The following RABGAP1L variants were observed in gnomAD, a reference collection of about 807,000 sequenced individuals.
RABGAP1L encodes the protein RAB GTPase activating protein 1 like.
RABGAP1L carries 63 observed loss-of-function variants against 137.7 expected under a neutral mutation model. That is an observed-to-expected ratio of 0.46 (90% CI 0.37 to 0.56). The LOEUF is 0.56. Among genes scored for constraint, RABGAP1L ranks in the 20% least tolerant of loss-of-function variants. RABGAP1L has a pLI of 0.00. For synonymous variants in RABGAP1L, 431 were observed against 433.7 expected (o/e 0.99, Z 0.08); for missense variants, 1,095 against 1,244.0 (o/e 0.88, Z 1.80).
chr1:174,355,382 A>G (rs1195715519), intron 11 of RABGAP1L, among the ~76,000 whole-genome samples: 2 of 148,718 alleles, frequency 1.3e-5, no homozygotes, highest in African/African-American at 2.5e-5. Context: ...CAAACACTGC[A>G]TGTTCTCACT....
At chr1:174,205,492 G>T (rs1164108724) in intron 1 of RABGAP1L, among the ~76,000 whole-genome samples, 3 of 152,028 alleles carry the variant, frequency 2.0e-5, no homozygotes, top group Non-Finnish European at 2.9e-5. Context: ...TGGGGAATCA[G>T]TTTCTTCCTG....
chr1:174,971,528 A>C (rs1417442326), intron 21 of RABGAP1L, among the ~76,000 whole-genome samples: 2 of 152,174 alleles, frequency 1.3e-5, no homozygotes, highest in African/African-American at 4.8e-5. Flanking sequence ...CTCTCTTTTA[A>C]GAAAAGTAAA....
Position 174,899,181 on chromosome 1 carries a change from C to T in RABGAP1L, c.2341-58276C>T, listed in dbSNP as rs1325197138. 2.0e-5 allele frequency among the ~76,000 whole-genome samples: 3 copies of T among 151,978 alleles called. No homozygotes were observed. The South Asian group carries it at 6.2e-4, about 32-fold the overall frequency. Reference sequence around the variant, plus strand: ...GATGTGCAAAAAAGAACTTAAACTGCAGAGACTTTCGGGAGAAAACAAACA... The same window carrying T: ...GATGTGCAAAAAAGAACTTAAACTGTAGAGACTTTCGGGAGAAAACAAACA... On this transcript the variant is annotated intron_variant, in intron 19 of 25. Transcript: ENST00000681986.
rs1345714895 is a variant in RABGAP1L at position 174,371,790 on chromosome 1, T to G, written c.1559+718T>G. On this transcript the variant is annotated intron_variant, in intron 12 of 25. Transcript: ENST00000681986. ...GGGTAGTCCAGGGGAGACTACAAAG[T>G]CTGGGCGGAATTTCACAGTTCAGTA... Among the ~76,000 whole-genome samples, 2 of 152,106 alleles carry G rather than the reference T, an allele frequency of 1.3e-5. 1 individual carries two copies. Among genetic ancestry groups the G allele is most frequent in the Non-Finnish European group, 2.9e-5 (2 of 68,022 alleles).
intron 13 of RABGAP1L, among the ~76,000 whole-genome samples, chr1:174,442,603 A>G (rs1466567524): frequency 1.3e-5 from 2 of 152,112 alleles, no homozygotes; most frequent in Non-Finnish European, 2.9e-5. Context: ...CATTTTTACA[A>G]TTAATAATAC....
intron 1 of RABGAP1L, among the ~76,000 whole-genome samples, chr1:174,183,180 C>A (rs1039302578): frequency 6.6e-6 from 1 of 152,112 alleles, no homozygotes; most frequent in African/African-American, 2.4e-5. Context: ...GTTGTAGATA[C>A]AATTTGTATA....
In RABGAP1L at chr1:174,555,512, G is replaced by A. The variant is rs187127442; in HGVS notation, c.1711-81863G>A. On this transcript the variant is annotated intron_variant, in intron 13 of 25. Coordinates refer to ENST00000681986, the MANE Select transcript of RABGAP1L (RefSeq NM_001366446.1). ...CAAACATTTGTCGAGCATTTATTAT[G>A]TAACAAGAAAAATGTATGTCCCCCC... Among the ~76,000 whole-genome samples the A allele has an allele frequency of 7.3e-5, 11 of 151,588 alleles. No individual in the cohort carries two copies. The East Asian group carries it at 2.1e-3, about 29-fold the overall frequency.
chr1:174,231,077 T>C (rs1670608331), intron 3 of RABGAP1L, 68 bp from the exon 4 acceptor site: 1 of 1,149,486 alleles, frequency 8.7e-7, no homozygotes, highest in South Asian at 1.4e-5. Flanking sequence ...TTTTTGGGCA[T>C]TGGCAAGATT....
At chr1:174,447,941 G>C (rs1558242769) in intron 13 of RABGAP1L, among the ~76,000 whole-genome samples, 2 of 126,946 alleles carry the variant, frequency 1.6e-5, no homozygotes, top group Admixed American at 2.2e-4. Flanking sequence ...CTGCTGAACT[G>C]AGGCTGGTGA....
At chr1:174,603,508 C>T (rs1050345325) in intron 13 of RABGAP1L, among the ~76,000 whole-genome samples, 12 of 152,076 alleles carry the variant, frequency 7.9e-5, no homozygotes, top group Non-Finnish European at 1.5e-4. Flanking sequence ...GGAACCAGGG[C>T]CAGGAATCAG....
chr1:174,609,995 T>C (rs1671073142), intron 13 of RABGAP1L, among the ~76,000 whole-genome samples: 1 of 151,410 alleles, frequency 6.6e-6, no homozygotes, highest in Non-Finnish European at 1.5e-5. Flanking sequence ...TATTTTTATA[T>C]ATCATCTTTG....
intron 1 of RABGAP1L, among the ~76,000 whole-genome samples, chr1:174,162,573 A>G (rs1571315109): frequency 6.6e-6 from 1 of 152,128 alleles, no homozygotes; most frequent in East Asian, 1.9e-4. Context: ...ATGACTGGTT[A>G]GAGGGGGTTT....
chr1:174,727,832 T>A (rs1682120250), intron 17 of RABGAP1L, among the ~76,000 whole-genome samples: 1 of 152,198 alleles, frequency 6.6e-6, no homozygotes. Flanking sequence ...TAAATTTTTT[T>A]AAAAAACAAA....
intron 13 of RABGAP1L, among the ~76,000 whole-genome samples, chr1:174,618,984 G>A (rs568428777): frequency 8.5e-5 from 13 of 152,348 alleles, no homozygotes; most frequent in Middle Eastern, 3.4e-3. Context: ...TGAGAACTAC[G>A]TGACGAATGC....
At chr1:174,297,453 C>A (rs568284602) in intron 10 of RABGAP1L, among the ~76,000 whole-genome samples, 1 of 152,344 alleles carries the variant, frequency 6.6e-6, no homozygotes, top group Admixed American at 6.5e-5. Flanking sequence ...GGCCAGGTTC[C>A]TCCTGCTGCA....
chr1:174,671,451 A>G (rs796339490), intron 14 of RABGAP1L, among the ~76,000 whole-genome samples: 4 of 152,182 alleles, frequency 2.6e-5, no homozygotes, highest in South Asian at 2.1e-4. Context: ...TGGGTTTGTC[A>G]TATATGGCCA....
chr1:174,568,470 C>T (rs756024214), intron 13 of RABGAP1L, among the ~76,000 whole-genome samples: 93 of 152,276 alleles, frequency 6.1e-4, no homozygotes, highest in Non-Finnish European at 1.0e-3. Flanking sequence ...AACTTTCAAA[C>T]AGTGATAGCC....
intron 11 of RABGAP1L, among the ~76,000 whole-genome samples, chr1:174,313,916 G>C (rs925893089): frequency 2.0e-5 from 3 of 152,120 alleles, no homozygotes; most frequent in Non-Finnish European, 2.9e-5. Flanking sequence ...CTGGTATTTT[G>C]TTGATGATTT....
chr1:174,213,896 G>A (rs1486484617), intron 1 of RABGAP1L, among the ~76,000 whole-genome samples: 1 of 152,186 alleles, frequency 6.6e-6, no homozygotes, highest in Non-Finnish European at 1.5e-5. Context: ...ACTGAAGAAG[G>A]AAAAGCTGAA....
Sources: allele counts gnomAD v4.1 joint callset (sites outside exome capture counted in the v4.1 genomes callset), GRCh38; gene constraint gnomAD v4.1.1; transcripts MANE v1.5; gene names NCBI Gene and HGNC (gene_info 2026-07-23, HGNC 2026-07-21).